The following VWA3A variants were observed in gnomAD, a reference collection of about 807,000 sequenced individuals.
VWA3A encodes von Willebrand factor A domain containing 3A, also known as von Willebrand factor A domain-containing protein 3A.
Under a neutral mutation model 160.4 loss-of-function variants are expected in VWA3A, and 134 were observed. The ratio of observed to expected loss-of-function variants is 0.84; its 90% CI spans 0.73 to 0.96. The LOEUF is 0.96. Among genes scored for constraint, VWA3A ranks in the 40% least tolerant of loss-of-function variants. VWA3A has a pLI of 0.00. For synonymous variants in VWA3A, 476 were observed against 543.4 expected, an observed-to-expected ratio of 0.88 and a Z score of 1.72; for missense variants, 1,310 against 1,447.9, an observed-to-expected ratio of 0.90 and a Z score of 1.55.
chr16:22,119,265 A>C (rs1026953901), intron 12 of VWA3A, among the ~76,000 whole-genome samples: 1 of 152,196 alleles, frequency 6.6e-6, no homozygotes, highest in Non-Finnish European at 1.5e-5. Context: ...AATTTATTTC[A>C]GAGAAAGACC....
rs754935116 is a variant in VWA3A at position 22,123,708 on chromosome 16, G to T, written c.1532+1G>T. ...TCTGGGGCACAGTCTGTGAAAAAAG[G>T]TACCTTTCTTAAGCAGGGTTCTTAT... is the stretch of plus-strand genomic sequence containing the variant. On this transcript the variant is annotated splice_donor_variant, in intron 16 of 33. Transcript: ENST00000389398. LOFTEE classifies it high-confidence loss of function. 3.1e-6 allele frequency: 5 copies of T among 1,613,154 alleles called. No homozygotes were observed. The highest frequency in any genetic ancestry group is 4.2e-6 in the Non-Finnish European group (5 of 1,179,426).
chr16:22,100,266 A>C lies in VWA3A; in HGVS notation c.298A>C (p.Lys100Gln). The change falls in exon 4 of 34, where the codon AAA becomes CAA. Residue 100 changes from lysine (K) to glutamine (Q), a missense_variant. Coordinates refer to ENST00000389398, the MANE Select transcript of VWA3A (RefSeq NM_173615.5). The stretch of plus-strand genomic sequence containing the variant: ...AGACTGGCTTTCGGCTCACAGTTTA[A>C]AATGTCAGAAACTCACCTTGGCTGA... ...SEDWLSAHSL[K>Q]CQKLTLADLI... 1 of 1,551,400 alleles carries C rather than the reference A, an allele frequency of 6.4e-7. No homozygotes were observed. The highest frequency in any genetic ancestry group is 1.2e-5 in the South Asian group (1 of 84,044).
At chr16:22,094,737 A>G (rs983979313) in intron 1 of VWA3A, among the ~76,000 whole-genome samples, 3 of 152,086 alleles carry the variant, frequency 2.0e-5, no homozygotes, top group Non-Finnish European at 4.4e-5. Flanking sequence ...AGGCCAAGGC[A>G]AGTGGATCAC....
Position 22,142,778 on chromosome 16 carries a change from C to T in VWA3A, c.2592+13C>T. 1 of 1,541,736 alleles carries T rather than the reference C, an allele frequency of 6.5e-7. No individual in the cohort carries two copies. Among genetic ancestry groups the T allele is most frequent in the Non-Finnish European group, 8.8e-7 (1 of 1,135,454 alleles). ...CTCAAGCCAAGAGGTATTAAGTCAC[C>T]CATACTAGCACATGCCCATTAAGCA... On this transcript the variant is annotated intron_variant, in intron 25 of 33. Coordinates refer to ENST00000389398, the MANE Select transcript of VWA3A (RefSeq NM_173615.5).
At chr16:22,153,587 T>C (rs1441157059) in intron 31 of VWA3A, among the ~76,000 whole-genome samples, 4 of 152,166 alleles carry the variant, frequency 2.6e-5, no homozygotes, top group Admixed American at 6.6e-5. Flanking sequence ...TCTGACTTAA[T>C]AGGAAAATTC....
chr16:22,124,844 G>C (rs1010815913), intron 16 of VWA3A, among the ~76,000 whole-genome samples: 3 of 152,054 alleles, frequency 2.0e-5, no homozygotes, highest in Admixed American at 1.3e-4. Flanking sequence ...CTTGAACCAA[G>C]GTCTTCTGAC....
At chr16:22,123,338 G>A in intron 15 of VWA3A, 173 bp downstream of exon 15, 1 of 1,168,928 alleles carries the variant, frequency 8.6e-7, no homozygotes, top group African/African-American at 1.5e-5. Flanking sequence ...CCCCAAGCAG[G>A]GACCTCAATG....
At position 22,141,581 on chromosome 16, in the gene VWA3A, G is replaced by A. The variant is rs773910939; in HGVS notation, c.2384-1G>A. 10 of 1,607,886 alleles carry A rather than the reference G, an allele frequency of 6.2e-6. No individual in the cohort carries two copies. Among genetic ancestry groups the A allele is most frequent in the Non-Finnish European group, 6.8e-6 (8 of 1,177,164 alleles). On this transcript the variant is annotated splice_acceptor_variant, in intron 23 of 33. Coordinates refer to ENST00000389398, the MANE Select transcript of VWA3A (RefSeq NM_173615.5). LOFTEE classifies it high-confidence loss of function. ...CAGCCAACAAGCCAAATGTTCCTCA[G>A]CTGCGGCCCAGCCAACGAAAGAAGG...
chr16:22,106,703 C>T (rs2045486728), intron 6 of VWA3A, among the ~76,000 whole-genome samples: 1 of 152,184 alleles, frequency 6.6e-6, no homozygotes, highest in Admixed American at 6.5e-5. Flanking sequence ...AGGGGAGTGA[C>T]CTGATCCAAC....
At chr16:22,123,499 C>G (rs774849295) in intron 15 of VWA3A, 114 bp from the exon 16 acceptor site, 3 of 1,598,106 alleles carry the variant, frequency 1.9e-6, no homozygotes, top group East Asian at 4.5e-5. Context: ...GCCTGGATTC[C>G]CAGGGACTTG....
chr16:22,152,839 A>G (rs576259605), intron 31 of VWA3A, among the ~76,000 whole-genome samples: 1 of 152,210 alleles, frequency 6.6e-6, no homozygotes, highest in Non-Finnish European at 1.5e-5. Flanking sequence ...TCGTTGAGAC[A>G]AAATATTAGC....
chr16:22,120,755 C>T (rs756299500), intron 12 of VWA3A, among the ~76,000 whole-genome samples: 13 of 152,014 alleles, frequency 8.6e-5, no homozygotes, highest in Non-Finnish European at 1.5e-4. Context: ...ACTGTGAGAG[C>T]GAGTTGCTGG....
Position 22,146,350 on chromosome 16 carries a change from C to A in VWA3A, c.2839+6C>A. 1 of 1,610,798 alleles carries A rather than the reference C, an allele frequency of 6.2e-7. No homozygotes were observed. The highest frequency in any genetic ancestry group is 1.1e-5 in the South Asian group (1 of 90,728). ...GCTGCAGTGGCTGCTGTCCGGTGAG[C>A]CTGCCCACTGCCCTGAAGGGTGGAG... On this transcript the variant is annotated splice_donor_region_variant and intron_variant, in intron 27 of 33. Transcript: ENST00000389398.
chr16:22,141,236 G>A, intron 23 of VWA3A: 1 of 498,528 alleles, frequency 2.0e-6, no homozygotes, highest in South Asian at 1.5e-5. Flanking sequence ...GAGTTCTGGA[G>A]TCAGCAGGAC....
intron 11 of VWA3A, among the ~76,000 whole-genome samples, chr16:22,118,677 C>A (rs1289871919): frequency 6.6e-6 from 1 of 152,184 alleles, no homozygotes. Flanking sequence ...CAGAGCGAGA[C>A]TCCATCAAAA....
At chr16:22,129,714 T>C (rs1440757880) in intron 17 of VWA3A, among the ~76,000 whole-genome samples, 1 of 151,880 alleles carries the variant, frequency 6.6e-6, no homozygotes, top group Non-Finnish European at 1.5e-5. Flanking sequence ...CCTGTGGAGA[T>C]GCGAAGAGGA....
intron 29 of VWA3A, 30 bp downstream of exon 29, chr16:22,149,961 C>G (rs1567227168): frequency 6.3e-7 from 1 of 1,580,354 alleles, no homozygotes; most frequent in Non-Finnish European, 8.6e-7. Flanking sequence ...CCGACCTTGA[C>G]GCAAAACAAA....
Position 22,100,510 on chromosome 16 carries a change from C to G in VWA3A, c.428+17C>G. 6.5e-7 allele frequency: 1 copy of G among 1,548,580 alleles called. No homozygotes were observed. The highest frequency in any genetic ancestry group is 1.4e-5 in the African/African-American group (1 of 73,088). ...GCTTTCTGAGTAAGTATGTTTCTCA[C>G]TGTCCTCCCAACACCACAGAACTCA... On this transcript the variant is annotated intron_variant, in intron 5 of 33. Coordinates refer to ENST00000389398, the MANE Select transcript of VWA3A (RefSeq NM_173615.5).
chr16:22,134,122 C>A (rs949428398), intron 20 of VWA3A, among the ~76,000 whole-genome samples: 2 of 152,044 alleles, frequency 1.3e-5, no homozygotes, highest in Non-Finnish European at 2.9e-5. Context: ...CACCACCACG[C>A]CCAGTTAATT....
Sources: allele counts gnomAD v4.1 joint callset (sites outside exome capture counted in the v4.1 genomes callset), GRCh38; gene constraint gnomAD v4.1.1; transcripts MANE v1.5; gene names NCBI Gene and HGNC (gene_info 2026-07-23, HGNC 2026-07-21).